TTC3: variants seen among roughly 807,000 people sequenced by gnomAD.
TTC3 encodes tetratricopeptide repeat domain 3.
In TTC3, 180 loss-of-function variants were observed where a neutral mutation model predicts 249.6. That is an observed-to-expected ratio of 0.72 (90% CI 0.64 to 0.82). TTC3 has a LOEUF of 0.82. Among genes scored for constraint, TTC3 ranks in the 40% least tolerant of loss-of-function variants. The pLI, the probability that TTC3 is intolerant of heterozygous loss-of-function variation, is 0.00. For synonymous variants in TTC3, 717 were observed against 805.0 expected (o/e 0.89, Z 1.85); for missense variants, 2,061 against 2,398.4 (o/e 0.86, Z 2.94).
At chr21:37,171,943 T>TA (rs2081838975) in intron 34 of TTC3, among the ~76,000 whole-genome samples, 1 of 152,230 alleles carries the variant, frequency 6.6e-6, no homozygotes, top group Non-Finnish European at 1.5e-5. Flanking sequence ...GGAGGACAGT[T>TA]ACCTGCAGCT....
At chr21:37,161,070 A>G (rs1249460604) in intron 30 of TTC3, among the ~76,000 whole-genome samples, 3 of 150,356 alleles carry the variant, frequency 2.0e-5, no homozygotes, top group Admixed American at 1.3e-4. Flanking sequence ...CGTATTCTTT[A>G]TTGTCTTTTT....
chr21:37,101,124 T>C (rs2007547346), intron 10 of TTC3: 1 of 152,246 alleles, frequency 6.6e-6, no homozygotes, highest in African/African-American at 2.4e-5. Flanking sequence ...TTTGAATTGC[T>C]TTGGAAACTC....
At chr21:37,082,229 C>G (rs1300957024) in intron 1 of TTC3, 1 of 152,262 alleles carries the variant, frequency 6.6e-6, no homozygotes, top group Non-Finnish European at 1.5e-5. Context: ...TCTTCATGTT[C>G]TCATGTTATA....
rs565524563 is a variant in TTC3 at position 37,169,356 on chromosome 21, GC to G, written c.4467+1738del. ...TAGACCATTAATATGAGAGTGCCTGGCCAACATGTTGAAACCCCGTCTCTAC... is the reference window on the plus strand; with the variant it reads ...TAGACCATTAATATGAGAGTGCCTGGCAACATGTTGAAACCCCGTCTCTAC... On this transcript the variant is annotated intron_variant, in intron 34 of 45. Coordinates refer to ENST00000355666, the Ensembl canonical transcript of TTC3. Among the ~76,000 whole-genome samples, 222 of 152,194 alleles carry G rather than the reference GC, an allele frequency of 1.5e-3. 2 individuals are homozygous for G. The highest frequency in any genetic ancestry group is 4.9e-3 in the African/African-American group (203 of 41,532).
intron 22 of TTC3, among the ~76,000 whole-genome samples, chr21:37,147,865 A>G (rs1450604499): frequency 1.3e-5 from 2 of 151,880 alleles, no homozygotes; most frequent in African/African-American, 2.4e-5. Flanking sequence ...AGTAGCTGGG[A>G]TTACAGGCGT....
chr21:37,126,133 A>G (rs750585160), exon 15 of TTC3: 1 of 1,611,050 alleles, frequency 6.2e-7, no homozygotes, highest in Non-Finnish European at 8.5e-7. Flanking sequence ...CTGAATTTTC[A>G]CCACCATCAA....
intron 35 of TTC3, among the ~76,000 whole-genome samples, chr21:37,182,377 C>T (rs1035921074): frequency 2.6e-5 from 4 of 152,234 alleles, no homozygotes; most frequent in Admixed American, 1.3e-4. Context: ...ACCCAAATGC[C>T]TTTAATGACC....
intron 34 of TTC3, among the ~76,000 whole-genome samples, chr21:37,170,609 A>G (rs2081681185): frequency 6.6e-6 from 1 of 152,230 alleles, no homozygotes; most frequent in African/African-American, 2.4e-5. Flanking sequence ...TACCTATAAA[A>G]TGAAATATCA....
chr21:37,074,983 G>T (rs1372797435), intron 1 of TTC3, among the ~76,000 whole-genome samples: 1 of 151,800 alleles, frequency 6.6e-6, no homozygotes, highest in African/African-American at 2.4e-5. Context: ...TTTTTTTAAA[G>T]AAATAAAATT....
chr21:37,113,312 C>T (rs540851784), intron 11 of TTC3, among the ~76,000 whole-genome samples: 203 of 152,306 alleles, frequency 1.3e-3, no homozygotes, highest in African/African-American at 4.7e-3. Context: ...CCCAAAATCT[C>T]CTTAAGCTGA....
intron 41 of TTC3, 30 bp downstream of exon 41, chr21:37,192,243 T>A (rs765109859): frequency 4.1e-5 from 52 of 1,256,358 alleles, no homozygotes; most frequent in Non-Finnish European, 4.8e-5. Flanking sequence ...TTTTTTTTTT[T>A]AAACCATAAT....
At chr21:37,188,473 A>G in intron 38 of TTC3, 22 bp from the exon 39 acceptor site, 1 of 1,587,548 alleles carries the variant, frequency 6.3e-7, no homozygotes, top group Non-Finnish European at 8.6e-7. Flanking sequence ...AAATACTCAT[A>G]TGTCTTCTGA....
chr21:37,178,133 A>G (rs192592223), intron 35 of TTC3, among the ~76,000 whole-genome samples: 4 of 152,302 alleles, frequency 2.6e-5, no homozygotes, highest in African/African-American at 9.6e-5. Context: ...ACATCCATCT[A>G]TGTTAATATG....
At chr21:37,144,738 C>A (rs2078834986) in intron 21 of TTC3, 93 bp downstream of exon 21, 1 of 1,438,398 alleles carries the variant, frequency 7.0e-7, no homozygotes, top group Non-Finnish European at 9.3e-7. Context: ...TAGGAGCATT[C>A]CATCCCCACC....
intron 11 of TTC3, among the ~76,000 whole-genome samples, chr21:37,118,129 T>TTTAAAACCAGAAAAGAATGCTTA (rs1440901134): frequency 5.1e-4 from 77 of 152,268 alleles, no homozygotes; most frequent in Non-Finnish European, 1.0e-3. Context: ...TTCTTTTTTT[T>TTTAAAACCAGAAAAGAATGCTTA]TTAAAACCAG....
chr21:37,173,244 C>T (rs2081960690), intron 35 of TTC3, among the ~76,000 whole-genome samples: 1 of 152,108 alleles, frequency 6.6e-6, no homozygotes, highest in African/African-American at 2.4e-5. Flanking sequence ...TAGATTAATA[C>T]TTATAAAGTA....
At chr21:37,175,939 T>G (rs907940067) in intron 35 of TTC3, among the ~76,000 whole-genome samples, 2 of 151,788 alleles carry the variant, frequency 1.3e-5, no homozygotes, top group Admixed American at 1.3e-4. Context: ...CCTGGCTAAT[T>G]TTTGTATTTT....
At chr21:37,109,419 G>A (rs1328017333) in intron 11 of TTC3, among the ~76,000 whole-genome samples, 3 of 152,194 alleles carry the variant, frequency 2.0e-5, no homozygotes, top group African/African-American at 4.8e-5. Context: ...ATTATATCCC[G>A]CACCTGGCTC....
chr21:37,118,448 A>G (rs999463767), intron 11 of TTC3, among the ~76,000 whole-genome samples: 1 of 152,204 alleles, frequency 6.6e-6, no homozygotes, highest in African/African-American at 2.4e-5. Context: ...CTCAACAGAT[A>G]TGTTTGTGCA....
Sources: gnomAD v4.1 joint callset for allele counts (sites outside exome capture counted in the v4.1 genomes callset) on GRCh38, gnomAD v4.1.1 for gene constraint, MANE v1.5 for transcripts, NCBI Gene and HGNC (gene_info 2026-07-23, HGNC 2026-07-21) for gene names.